Variants in TUSC3 observed in about 807,000 individuals in gnomAD.
TUSC3 encodes the protein dolichyl-diphosphooligosaccharide--protein glycosyltransferase subunit TUSC3.
A neutral mutation model predicts 44.8 loss-of-function variants in TUSC3; 45 were observed. The ratio of observed to expected loss-of-function variants is 1.00; its 90% CI spans 0.79 to 1.29. The LOEUF (loss-of-function observed/expected upper bound fraction) is 1.29, where lower values mean the gene tolerates loss of function less well. TUSC3 is among the 50% of genes most tolerant of loss of function. The pLI is 0.00. For synonymous variants in TUSC3, 212 were observed against 152.9 expected, an observed-to-expected ratio of 1.39 and a Z score of -2.85; for missense variants, 519 against 437.9, an observed-to-expected ratio of 1.19 and a Z score of -1.65.
the TUSC3 span, among the ~76,000 whole-genome samples, chr8:15,783,566 C>G: frequency 1.3e-5 from 2 of 151,962 alleles, no homozygotes; most frequent in Non-Finnish European, 2.9e-5. Flanking sequence ...TAGAAAAAAA[C>G]CCAAGTTATC....
intron 1 of TUSC3, among the ~76,000 whole-genome samples, chr8:15,611,209 CAG>C (rs1386975258): frequency 6.6e-6 from 1 of 152,052 alleles, no homozygotes; most frequent in Admixed American, 6.5e-5. Context: ...TTTTTTGAGA[CAG>C]AGTCTTGCCC....
chr8:15,751,012 T>C (rs761010049), intron 9 of TUSC3, among the ~76,000 whole-genome samples: 9 of 152,132 alleles, frequency 5.9e-5, no homozygotes, highest in Non-Finnish European at 1.0e-4. Flanking sequence ...TGCTAAACAG[T>C]GTGACCTGCT....
chr8:15,813,840 T>A, the TUSC3 span, among the ~76,000 whole-genome samples: 1 of 152,126 alleles, frequency 6.6e-6, no homozygotes, highest in Admixed American at 6.5e-5. Flanking sequence ...AGTATTACGT[T>A]GAGGCAGTGG....
chr8:15,818,217 T>C, the TUSC3 span, among the ~76,000 whole-genome samples: 84 of 152,284 alleles, frequency 5.5e-4, no homozygotes, highest in African/African-American at 1.9e-3. Flanking sequence ...TAAGAAAAAA[T>C]TGACACATGA....
chr8:15,623,007 T>C, intron 1 of TUSC3, 73 bp from the exon 2 acceptor site: 2 of 1,432,532 alleles, frequency 1.4e-6, no homozygotes, highest in Non-Finnish European at 1.9e-6. Context: ...TAAAACATTT[T>C]ATGCATTTAT....
intron 2 of TUSC3, among the ~76,000 whole-genome samples, chr8:15,515,071 A>G (rs1455281208): frequency 6.6e-6 from 1 of 152,114 alleles, no homozygotes; most frequent in African/African-American, 2.4e-5. Context: ...ACCGATGGAA[A>G]AGAATTGGCT....
intron 1 of TUSC3, among the ~76,000 whole-genome samples, chr8:15,442,352 T>C (rs1323532990): frequency 4.6e-5 from 7 of 152,146 alleles, no homozygotes. Flanking sequence ...AAAGGTTTTA[T>C]TTATTTGATA....
rs543939373 is a variant in TUSC3, at chr8:15,750,065, C to T, written c.1028+1600C>T. Among the ~76,000 whole-genome samples, 109 of 150,534 alleles carry T rather than the reference C, an allele frequency of 7.2e-4. 1 individual carries two copies. In the South Asian group the frequency reaches 0.014, roughly 19 times the overall value. Reference sequence around the variant, plus strand: ...CTTGATCTCGGCTCACTGCAAGCTCCGCCTCCCAGGTTCACTCCATTCTCC... The same window carrying T: ...CTTGATCTCGGCTCACTGCAAGCTCTGCCTCCCAGGTTCACTCCATTCTCC... On this transcript the variant is annotated intron_variant, in intron 9 of 10. Transcript: ENST00000503731.
At chr8:15,625,110 G>A (rs1395309783) in intron 2 of TUSC3, among the ~76,000 whole-genome samples, 14 of 152,058 alleles carry the variant, frequency 9.2e-5, no homozygotes. Context: ...GTCACTTTAT[G>A]TAGTTTTTCT....
chr8:15,438,851 G>T (rs1799984790), intron 1 of TUSC3, among the ~76,000 whole-genome samples: 1 of 152,176 alleles, frequency 6.6e-6, no homozygotes, highest in Non-Finnish European at 1.5e-5. Context: ...AATATGCAGA[G>T]CCCTGGTGGG....
intron 4 of TUSC3, 114 bp downstream of exon 4, chr8:15,659,761 C>T (rs1003320683): frequency 1.3e-4 from 180 of 1,404,568 alleles, no homozygotes; most frequent in Non-Finnish European, 1.7e-4. Context: ...TTTCTCCTTG[C>T]ATAGAGAAAA....
intron 1 of TUSC3, among the ~76,000 whole-genome samples, chr8:15,470,726 T>G (rs1198170874): frequency 6.6e-6 from 1 of 152,124 alleles, no homozygotes; most frequent in African/African-American, 2.4e-5. Flanking sequence ...ACTGTCTCAG[T>G]GGAGTTGGCA....
chr8:15,607,924 G>A (rs913021144), intron 1 of TUSC3, among the ~76,000 whole-genome samples: 1 of 152,092 alleles, frequency 6.6e-6, no homozygotes, highest in Non-Finnish European at 1.5e-5. Flanking sequence ...ACGTAATGAA[G>A]TGTCATATCT....
chr8:15,555,169 G>T (rs912173314), intron 1 of TUSC3, among the ~76,000 whole-genome samples: 7 of 121,348 alleles, frequency 5.8e-5, no homozygotes, highest in African/African-American at 8.8e-5. Context: ...TTTTGGGGGG[G>T]ACGAGATCTT....
chr8:15,587,753 C>A (rs1370587540), intron 1 of TUSC3, among the ~76,000 whole-genome samples: 1 of 152,052 alleles, frequency 6.6e-6, no homozygotes, highest in Non-Finnish European at 1.5e-5. Flanking sequence ...CCTCTAATAA[C>A]CATAATTCTA....
At chr8:15,852,015 G>T in the TUSC3 span, among the ~76,000 whole-genome samples, 516 of 152,062 alleles carry the variant, frequency 3.4e-3, 2 homozygotes, top group African/African-American at 0.012. Flanking sequence ...TGTGCCTTTT[G>T]CCTTCCACCA....
chr8:15,506,458 C>G (rs1427964845), intron 2 of TUSC3, among the ~76,000 whole-genome samples: 2 of 152,142 alleles, frequency 1.3e-5, no homozygotes, highest in African/African-American at 4.8e-5. Context: ...ATCATATGAC[C>G]CCTTGTATTA....
At chr8:15,830,580 A>T in the TUSC3 span, among the ~76,000 whole-genome samples, 1 of 152,230 alleles carries the variant, frequency 6.6e-6, no homozygotes, top group African/African-American at 2.4e-5. Context: ...ATGCAGCCAT[A>T]GAAAAGAATG....
intron 1 of TUSC3, among the ~76,000 whole-genome samples, chr8:15,449,967 G>C (rs1800172229): frequency 1.3e-5 from 2 of 152,080 alleles, no homozygotes; most frequent in African/African-American, 4.8e-5. Flanking sequence ...GATAGGCTAG[G>C]CTATACCACA....
Sources: allele counts gnomAD v4.1 joint callset (sites outside exome capture counted in the v4.1 genomes callset), GRCh38; gene constraint gnomAD v4.1.1; transcripts MANE v1.5; gene names NCBI Gene and HGNC (gene_info 2026-07-23, HGNC 2026-07-21).